EYA4: variants seen among roughly 807,000 people sequenced by gnomAD.
The protein encoded by EYA4 is protein phosphatase EYA4.
EYA4 carries 31 observed loss-of-function variants against 87.9 expected under a neutral mutation model. That is an observed-to-expected ratio of 0.35 (90% CI 0.27 to 0.48). EYA4 has a LOEUF of 0.48. Ranked by LOEUF, EYA4 falls within the 20% of genes least tolerant of loss-of-function variation. EYA4 has a pLI of 0.99. For missense variants in EYA4, 678 were observed against 761.4 expected, an observed-to-expected ratio of 0.89 and a Z score of 1.29; for synonymous variants, 263 against 270.6, an observed-to-expected ratio of 0.97 and a Z score of 0.28.
At chr6:133,322,533 G>A (rs189901344) in intron 2 of EYA4, among the ~76,000 whole-genome samples, 40 of 152,228 alleles carry the variant, frequency 2.6e-4, no homozygotes, top group African/African-American at 9.6e-4. Flanking sequence ...TGAAACTGAT[G>A]TTAGTCATGA....
intron 2 of EYA4, among the ~76,000 whole-genome samples, chr6:133,364,340 C>T (rs188287990): frequency 3.9e-5 from 6 of 152,280 alleles, no homozygotes; most frequent in African/African-American, 1.4e-4. Context: ...GGCCTATTCT[C>T]TGATGAAAAG....
chr6:133,439,773 C>T (rs1380751137), intron 3 of EYA4, among the ~76,000 whole-genome samples: 4 of 152,200 alleles, frequency 2.6e-5, no homozygotes, highest in Non-Finnish European at 4.4e-5. Flanking sequence ...ATAAGTCAGA[C>T]TGATTCTGCG....
intron 3 of EYA4, among the ~76,000 whole-genome samples, chr6:133,391,418 G>T (rs919161164): frequency 6.6e-6 from 1 of 151,788 alleles, no homozygotes; most frequent in African/African-American, 2.4e-5. Context: ...GGGAAAAGAG[G>T]GCTTGCTGAA....
At chr6:133,431,930 A>C (rs1221094439) in intron 3 of EYA4, among the ~76,000 whole-genome samples, 1 of 145,084 alleles carries the variant, frequency 6.9e-6, no homozygotes, top group Non-Finnish European at 1.5e-5. Flanking sequence ...TGAGCCCAAT[A>C]AAATAGTCCA....
chr6:133,481,589 G>T lies in EYA4; in HGVS notation c.1097G>T (p.Ser366Ile). ...AATAATCCCTCCCCGCCTCCTGATA[G>T]TGACCTGGAGGTATGCCTACTCATT... ...RKNNPSPPPD[S>I]DLERVFVWDL... Residue 366 changes from serine (S) to isoleucine (I), a missense_variant, in exon 12 of 20, where the codon AGT becomes ATT. Transcript: ENST00000355286. 6.2e-7 allele frequency: 1 copy of T among 1,613,974 alleles called. No individual in the cohort carries two copies. The highest frequency in any genetic ancestry group is 8.5e-7 in the Non-Finnish European group (1 of 1,179,880).
chr6:133,340,241 A>T (rs958473757), intron 2 of EYA4, among the ~76,000 whole-genome samples: 1 of 152,208 alleles, frequency 6.6e-6, no homozygotes, highest in African/African-American at 2.4e-5. Context: ...ATAGACACAG[A>T]AAAACCATTT....
At chr6:133,365,903 C>T (rs1043901121) in intron 2 of EYA4, among the ~76,000 whole-genome samples, 1 of 152,148 alleles carries the variant, frequency 6.6e-6, no homozygotes, top group East Asian at 1.9e-4. Flanking sequence ...GGAGTATAGT[C>T]TCTTCCCATT....
chr6:133,403,758 A>C (rs546617329), intron 3 of EYA4, among the ~76,000 whole-genome samples: 100 of 152,262 alleles, frequency 6.6e-4, no homozygotes, highest in Non-Finnish European at 1.2e-3. Context: ...TCTACAAGTC[A>C]TATTTCTGAA....
chr6:133,491,969 A>AAT (rs1302023165), intron 13 of EYA4, among the ~76,000 whole-genome samples: 2 of 151,332 alleles, frequency 1.3e-5, no homozygotes, highest in East Asian at 1.9e-4. Context: ...AAAAAAAAAA[A>AAT]AAGAGGAAGA....
At chr6:133,401,966 T>C (rs1159436841) in intron 3 of EYA4, among the ~76,000 whole-genome samples, 1 of 152,158 alleles carries the variant, frequency 6.6e-6, no homozygotes, top group East Asian at 1.9e-4. Context: ...CTGTACTCTT[T>C]TTCTGTTCTT....
intron 7 of EYA4, 107 bp from the exon 8 acceptor site, chr6:133,462,228 A>T: frequency 8.1e-7 from 1 of 1,241,478 alleles, no homozygotes; most frequent in Non-Finnish European, 1.2e-6. Context: ...TATATTGTGG[A>T]TAAAGAGGAT....
chr6:133,303,125 G>T (rs1217830800), intron 2 of EYA4, among the ~76,000 whole-genome samples: 1 of 152,092 alleles, frequency 6.6e-6, no homozygotes, highest in East Asian at 1.9e-4. Context: ...TTGTTTACTT[G>T]TTCTTGATTC....
intron 2 of EYA4, among the ~76,000 whole-genome samples, chr6:133,357,365 A>G (rs564502213): frequency 5.3e-5 from 8 of 152,060 alleles, no homozygotes; most frequent in Admixed American, 1.3e-4. Flanking sequence ...AGCAAAGAAA[A>G]GGGGGGACCT....
intron 7 of EYA4, among the ~76,000 whole-genome samples, chr6:133,461,762 A>G (rs1794403531): frequency 6.6e-6 from 1 of 151,220 alleles, no homozygotes; most frequent in Non-Finnish European, 1.5e-5. Flanking sequence ...TTGGATATCC[A>G]ATGGGGAACA....
intron 3 of EYA4, among the ~76,000 whole-genome samples, chr6:133,414,461 C>A (rs1215888833): frequency 6.6e-6 from 1 of 152,166 alleles, no homozygotes; most frequent in Non-Finnish European, 1.5e-5. Context: ...GTTACCTTTA[C>A]TAGACTTTGA....
At chr6:133,446,275 G>A (rs1342758931) in intron 3 of EYA4, among the ~76,000 whole-genome samples, 2 of 151,950 alleles carry the variant, frequency 1.3e-5, no homozygotes, top group African/African-American at 2.4e-5. Context: ...AGTATTATAT[G>A]GAATAGTCAT....
chr6:133,317,506 A>G (rs1362302699), intron 2 of EYA4, among the ~76,000 whole-genome samples: 5 of 152,212 alleles, frequency 3.3e-5, no homozygotes, highest in Non-Finnish European at 5.9e-5. Context: ...TTGCTTTTAT[A>G]TAGGAACTAC....
intron 2 of EYA4, among the ~76,000 whole-genome samples, chr6:133,364,130 C>G (rs1784680197): frequency 6.6e-6 from 1 of 152,184 alleles, no homozygotes; most frequent in Non-Finnish European, 1.5e-5. Context: ...AGGAAGTGCT[C>G]TTAGCCCTGG....
At chr6:133,453,823 C>G (rs572112367) in intron 5 of EYA4, among the ~76,000 whole-genome samples, 4 of 152,082 alleles carry the variant, frequency 2.6e-5, no homozygotes, top group African/African-American at 9.7e-5. Context: ...TTGCTTGTTA[C>G]TCCTCTCTTC....
Sources: gnomAD v4.1 joint callset for allele counts (sites outside exome capture counted in the v4.1 genomes callset) on GRCh38, gnomAD v4.1.1 for gene constraint, MANE v1.5 for transcripts, NCBI Gene and HGNC (gene_info 2026-07-23, HGNC 2026-07-21) for gene names.